Variants in PDCL2 observed in about 807,000 individuals in gnomAD.
The protein encoded by PDCL2 is phosducin-like protein 2.
Under a neutral mutation model 30.3 loss-of-function variants are expected in PDCL2, and 23 were observed. That is an observed-to-expected ratio of 0.76 (90% CI 0.55 to 1.08). The LOEUF is 1.08. Ranked by LOEUF, PDCL2 falls within the 50% of genes least tolerant of loss-of-function variation. The probability of loss-of-function intolerance (pLI) is 0.00; values close to 1 mark genes in which losing one functional copy is unlikely to be tolerated. For synonymous variants in PDCL2, 68 were observed against 86.2 expected (o/e 0.79, Z 1.17); for missense variants, 243 against 282.3 (o/e 0.86, Z 1.00).
At chr4:55,574,656 T>A (rs1055127970) in intron 3 of PDCL2, among the ~76,000 whole-genome samples, 3 of 152,190 alleles carry the variant, frequency 2.0e-5, no homozygotes, top group African/African-American at 7.2e-5. Flanking sequence ...CCATATCTAT[T>A]TGTAGTTACT....
chr4:55,589,119 A>C (rs1305660309), intron 1 of PDCL2, among the ~76,000 whole-genome samples: 1 of 152,212 alleles, frequency 6.6e-6, no homozygotes, highest in African/African-American at 2.4e-5. Flanking sequence ...TCGGCCTCCC[A>C]AAGTGCTGGT....
intron 1 of PDCL2, among the ~76,000 whole-genome samples, chr4:55,589,049 C>T (rs1345907636): frequency 1.3e-5 from 2 of 151,958 alleles, no homozygotes; most frequent in African/African-American, 2.4e-5. Flanking sequence ...TTAGTAGAGA[C>T]GGGGTTTCAC....
intron 3 of PDCL2, among the ~76,000 whole-genome samples, chr4:55,576,258 A>AT (rs1285096741): frequency 1.3e-5 from 2 of 151,846 alleles, no homozygotes; most frequent in Non-Finnish European, 2.9e-5. Context: ...GCCCAGCTAA[A>AT]TTTTTTGTAT....
intron 3 of PDCL2, among the ~76,000 whole-genome samples, chr4:55,577,022 C>T (rs996863324): frequency 2.0e-5 from 3 of 151,932 alleles, no homozygotes; most frequent in African/African-American, 4.8e-5. Flanking sequence ...CTCAGCCTCC[C>T]GAGTAGGTGG....
At chr4:55,566,646 T>C (rs1732277468) in intron 4 of PDCL2, among the ~76,000 whole-genome samples, 1 of 152,078 alleles carries the variant, frequency 6.6e-6, no homozygotes, top group Non-Finnish European at 1.5e-5. Flanking sequence ...CAGGCTGGTC[T>C]TGAACTCCTG....
At chr4:55,582,713 C>T (rs895407360) in intron 1 of PDCL2, among the ~76,000 whole-genome samples, 3 of 151,358 alleles carry the variant, frequency 2.0e-5, no homozygotes, top group Admixed American at 6.6e-5. Flanking sequence ...CCCATTAACT[C>T]GTCATTTACA....
In PDCL2 at chr4:55,582,207, T is replaced by C; in HGVS notation, c.37A>G (p.Ile13Val). The change falls in exon 2 of 6, where the codon ATT becomes GTT. Residue 13 changes from isoleucine (I) to valine (V), a missense_variant. Coordinates refer to ENST00000295645, the MANE Select transcript of PDCL2 (RefSeq NM_152401.3). ...DPNEDTEWND[I>V]LRDFGILPPK... ...GGAAGAATGCCGAAATCTCTTAAAA[T>C]GTCATTCCATTCTGTATCTTCATTG... The C allele has an allele frequency of 6.2e-7, 1 of 1,611,536 alleles. No individual in the cohort carries two copies. Among genetic ancestry groups the C allele is most frequent in the Non-Finnish European group, 8.5e-7 (1 of 1,178,940 alleles).
chr4:55,561,381 G>A (rs1732133465), intron 5 of PDCL2, among the ~76,000 whole-genome samples: 1 of 152,046 alleles, frequency 6.6e-6, no homozygotes, highest in African/African-American at 2.4e-5. Flanking sequence ...GGCCAACAGG[G>A]CGAACCCCCA....
rs373149826 is a variant in PDCL2 at position 55,562,467 on chromosome 4, C to G, written c.508G>C (p.Gly170Arg). Residue 170 changes from glycine (G) to arginine (R), a missense_variant, in exon 5 of 6, where the codon GGT becomes CGT. Transcript: ENST00000295645. ...CCAATGAATTTGGCTTCTATCTGAC[C>G]ATTTTTATACACAAAAATTGTTGGT... Reference protein sequence around the residue: ...CLPTIFVYKNGQIEAKFIGII... With the variant: ...CLPTIFVYKNRQIEAKFIGII... 1 of 1,537,440 alleles carries G rather than the reference C, an allele frequency of 6.5e-7. No individual in the cohort carries two copies. Among genetic ancestry groups the G allele is most frequent in the Non-Finnish European group, 8.8e-7 (1 of 1,142,382 alleles).
intron 3 of PDCL2, among the ~76,000 whole-genome samples, chr4:55,572,131 T>C (rs569720284): frequency 1.3e-5 from 2 of 152,196 alleles, no homozygotes; most frequent in African/African-American, 2.4e-5. Flanking sequence ...GAACAGTAAA[T>C]ACATGGGCTG....
At chr4:55,579,855 T>G (rs1732666591) in intron 3 of PDCL2, among the ~76,000 whole-genome samples, 1 of 150,772 alleles carries the variant, frequency 6.6e-6, no homozygotes. Flanking sequence ...TTTGTTTGTT[T>G]TTTTTTTCGA....
intron 4 of PDCL2, 110 bp downstream of exon 4, chr4:55,569,608 T>C: frequency 1.6e-6 from 1 of 631,858 alleles, no homozygotes; most frequent in Non-Finnish European, 2.5e-6. Flanking sequence ...GTGTGCAATA[T>C]ATAGTTGCTT....
intron 4 of PDCL2, among the ~76,000 whole-genome samples, chr4:55,563,486 G>A (rs1227047113): frequency 6.6e-6 from 1 of 152,198 alleles, no homozygotes; most frequent in Non-Finnish European, 1.5e-5. Flanking sequence ...TTCGAGACCA[G>A]CCTGGCCAAC....
At chr4:55,576,638 A>G (rs1179805217) in intron 3 of PDCL2, among the ~76,000 whole-genome samples, 1 of 152,190 alleles carries the variant, frequency 6.6e-6, no homozygotes, top group Non-Finnish European at 1.5e-5. Flanking sequence ...AAACTAAAAG[A>G]TACACAGAAA....
At chr4:55,569,901 C>A in intron 3 of PDCL2, 40 bp from the exon 4 acceptor site, 1 of 1,358,072 alleles carries the variant, frequency 7.4e-7, no homozygotes, top group South Asian at 1.5e-5. Flanking sequence ...AGAATACTGT[C>A]ATATTCTTAA....
chr4:55,580,680 T>C (rs1732685712), intron 3 of PDCL2, 141 bp downstream of exon 3: 1 of 532,022 alleles, frequency 1.9e-6, no homozygotes, highest in Non-Finnish European at 3.1e-6. Context: ...AATTCCACCT[T>C]ATATAAAGGG....
intron 4 of PDCL2, among the ~76,000 whole-genome samples, chr4:55,569,437 T>C (rs1732363668): frequency 6.6e-6 from 1 of 152,124 alleles, no homozygotes; most frequent in Non-Finnish European, 1.5e-5. Context: ...CTTCTCTGTT[T>C]TTGAGATATT....
intron 3 of PDCL2, 84 bp downstream of exon 3, chr4:55,580,737 T>C (rs1732686983): frequency 1.0e-5 from 10 of 987,294 alleles, no homozygotes; most frequent in Non-Finnish European, 2.8e-6. Flanking sequence ...TTGTAAAATC[T>C]ATGTGACAAG....
intron 3 of PDCL2, among the ~76,000 whole-genome samples, chr4:55,579,359 C>T (rs935739130): frequency 9.2e-5 from 14 of 152,130 alleles, no homozygotes; most frequent in African/African-American, 3.1e-4. Context: ...GATGGAGTTT[C>T]ACTCTTGTTG....
Sources: gnomAD v4.1 joint callset for allele counts (sites outside exome capture counted in the v4.1 genomes callset) on GRCh38, gnomAD v4.1.1 for gene constraint, MANE v1.5 for transcripts, NCBI Gene and HGNC (gene_info 2026-07-23, HGNC 2026-07-21) for gene names.